Variants in TRAK1 observed in about 807,000 individuals in gnomAD.
The protein encoded by TRAK1 is trafficking kinesin protein 1, also known as trafficking kinesin-binding protein 1.
A neutral mutation model predicts 92.1 loss-of-function variants in TRAK1; 33 were observed. That is an observed-to-expected ratio of 0.36 (90% CI 0.27 to 0.48). The LOEUF is 0.48. TRAK1 is among the 20% of genes least tolerant of loss of function. The probability of loss-of-function intolerance (pLI) is 0.99; values close to 1 mark genes in which losing one functional copy is unlikely to be tolerated. For missense variants in TRAK1, 1,123 were observed against 1,257.9 expected, an observed-to-expected ratio of 0.89 and a Z score of 1.62; for synonymous variants, 521 against 517.3, an observed-to-expected ratio of 1.01 and a Z score of -0.10.
chr3:42,055,519 A>ATGGTG lies in TRAK1; in HGVS notation c.-518-31582_-518-31578dup, dbSNP rs1576196268. ...GCTCTGTTGCCCAAGCTGGAATGCA[A>ATGGTG]TGGTGTGATCATGGCTTACTGCAGC... is the stretch of plus-strand genomic sequence containing the variant. On this transcript the variant is annotated intron_variant, in intron 1 of 16. Coordinates refer to the TRAK1 transcript ENST00000487159. Among the ~76,000 whole-genome samples, 4 of 152,334 alleles carry ATGGTG rather than the reference A, an allele frequency of 2.6e-5. No homozygotes were observed. The East Asian group carries it at 7.7e-4, about 29-fold the overall frequency.
intron 10 of TRAK1, among the ~76,000 whole-genome samples, chr3:42,196,758 A>C (rs1255644211): frequency 6.6e-6 from 1 of 150,580 alleles, no homozygotes; most frequent in Non-Finnish European, 1.5e-5. Context: ...ATGTTGGCCA[A>C]GCTGGTCTCG....
rs370602561 is a variant in TRAK1 at position 42,209,828 on chromosome 3, C to T, written c.1806C>T (p.Asp602=). The T allele has an allele frequency of 8.7e-6, 14 of 1,613,660 alleles. No homozygotes were observed. The highest frequency in any genetic ancestry group is 2.2e-5 in the East Asian group (1 of 44,892). ...LAQPHLGGIL[D]PRPGVVTKGF... is the part of the protein sequence containing the mutation. ...AACCTCACCTTGGGGGCATCCTGGACCCCCGGCCCGGTGTGGTCACCAAGG... is the reference window on the plus strand; with the variant it reads ...AACCTCACCTTGGGGGCATCCTGGATCCCCGGCCCGGTGTGGTCACCAAGG... The change falls in exon 14 of 16, where the codon GAC becomes GAT. Residue 602 remains aspartate, a synonymous_variant. Coordinates refer to ENST00000327628, the MANE Select transcript of TRAK1 (RefSeq NM_001042646.3).
chr3:42,050,004 G>A (rs369062410), intron 1 of TRAK1, among the ~76,000 whole-genome samples: 9 of 152,260 alleles, frequency 5.9e-5, no homozygotes, highest in African/African-American at 1.9e-4. Flanking sequence ...TGCAGAGCAG[G>A]GCTTGTTGAC....
intron 2 of TRAK1, among the ~76,000 whole-genome samples, chr3:42,132,398 G>C (rs372877720): frequency 6.6e-6 from 1 of 151,658 alleles, no homozygotes; most frequent in Non-Finnish European, 1.5e-5. Flanking sequence ...CAGTAGTTGG[G>C]ACTACAGGCA....
chr3:42,202,592 G>T lies in TRAK1; in HGVS notation c.1584G>T (p.Ala528=). 1 of 1,591,338 alleles carries T rather than the reference G, an allele frequency of 6.3e-7. No individual in the cohort carries two copies. The highest frequency in any genetic ancestry group is 8.6e-7 in the Non-Finnish European group (1 of 1,162,888). Residue 528 remains alanine (A), a synonymous_variant, in exon 13 of 16, where the codon GCG becomes GCT. Transcript: ENST00000327628. This position sits in a 1 kb window ranked among gnomAD's most constrained non-coding sequence, Gnocchi z 6.1. ...EEQERKLQEL[A]EKGELRSGSL... is the part of the protein sequence containing the mutation. ...AAGAGAGGAAGCTCCAGGAGCTGGCGGAGAAGGGCGAGCTGCGCAGCGGCT... is the reference window on the plus strand; with the variant it reads ...AAGAGAGGAAGCTCCAGGAGCTGGCTGAGAAGGGCGAGCTGCGCAGCGGCT...
intron 1 of TRAK1, among the ~76,000 whole-genome samples, chr3:42,029,297 G>A (rs1048562091): frequency 6.6e-6 from 1 of 152,182 alleles, no homozygotes; most frequent in Non-Finnish European, 1.5e-5. Flanking sequence ...GGCATGCAGC[G>A]GTGCAGTCTC....
intron 2 of TRAK1, among the ~76,000 whole-genome samples, chr3:42,132,818 C>A (rs1285404790): frequency 1.3e-5 from 2 of 152,064 alleles, no homozygotes; most frequent in African/African-American, 2.4e-5. Flanking sequence ...CCCACCCTGA[C>A]CTTCCCTTCC....
At chr3:42,032,624 C>G (rs1007919487) in intron 1 of TRAK1, among the ~76,000 whole-genome samples, 5 of 152,134 alleles carry the variant, frequency 3.3e-5, no homozygotes, top group Non-Finnish European at 5.9e-5. Context: ...TTAATGTTGG[C>G]AACAAGACTA....
At chr3:42,073,944 A>G (rs925258935) in intron 1 of TRAK1, among the ~76,000 whole-genome samples, 15 of 152,154 alleles carry the variant, frequency 9.9e-5, no homozygotes, top group Admixed American at 3.9e-4. Context: ...CATATTTCAT[A>G]TATGGACTTG....
chr3:42,127,879 G>A (rs1414664225), intron 2 of TRAK1, among the ~76,000 whole-genome samples: 1 of 152,104 alleles, frequency 6.6e-6, no homozygotes, highest in Non-Finnish European at 1.5e-5. Context: ...TCTAAAATCT[G>A]TTTAACAGTA....
intron 1 of TRAK1, among the ~76,000 whole-genome samples, chr3:42,124,327 A>T (rs1166263265): frequency 6.6e-6 from 1 of 152,164 alleles, no homozygotes; most frequent in Non-Finnish European, 1.5e-5. Flanking sequence ...GTTTCCCATC[A>T]TAGGGAATGC....
Position 42,202,395 on chromosome 3 carries a change from C to T in TRAK1, c.1428-41C>T. 5 of 1,455,494 alleles carry T rather than the reference C, an allele frequency of 3.4e-6. No individual in the cohort carries two copies. Among genetic ancestry groups the T allele is most frequent in the Non-Finnish European group, 2.7e-6 (3 of 1,099,180 alleles). The allele number at this position is 1,455,494 out of a possible 1,614,324, so 90.2% of individuals were successfully genotyped here. On this transcript the variant is annotated intron_variant, in intron 12 of 15. Coordinates refer to ENST00000327628, the MANE Select transcript of TRAK1 (RefSeq NM_001042646.3). The surrounding 1 kb of genome is among the most constrained non-coding windows in gnomAD (Gnocchi z 6.1). ...CAGTCGGGCCTCTGTGGCCTTGGAGCCCTGCTGGCATTCCACCCTCACACC... is the reference window on the plus strand; with the variant it reads ...CAGTCGGGCCTCTGTGGCCTTGGAGTCCTGCTGGCATTCCACCCTCACACC...
intron 1 of TRAK1, among the ~76,000 whole-genome samples, chr3:42,117,018 G>A (rs547153832): frequency 1.4e-4 from 21 of 152,078 alleles, no homozygotes; most frequent in Non-Finnish European, 3.1e-4. Flanking sequence ...TTAGAAATCA[G>A]GGACTCTCAT....
intron 4 of TRAK1, among the ~76,000 whole-genome samples, chr3:42,185,235 G>T (rs1192314500): frequency 6.6e-6 from 1 of 152,226 alleles, no homozygotes. Context: ...GTGGGCAGCT[G>T]GAGAAGGAGC....
upstream of TRAK1, among the ~76,000 whole-genome samples, chr3:42,088,338 C>G (rs1704792847): frequency 6.6e-6 from 1 of 152,010 alleles, no homozygotes; most frequent in African/African-American, 2.4e-5. Context: ...GTGCTAGGCC[C>G]CCACACACCT....
At chr3:42,120,223 T>A (rs1028657739) in intron 1 of TRAK1, among the ~76,000 whole-genome samples, 6 of 152,078 alleles carry the variant, frequency 3.9e-5, no homozygotes, top group African/African-American at 1.4e-4. Flanking sequence ...GTTGGTGGGA[T>A]TTTGGGCTGT....
chr3:42,053,407 A>G (rs1034050010), intron 1 of TRAK1, among the ~76,000 whole-genome samples: 1,066 of 68,030 alleles, frequency 0.016, no homozygotes, highest in Admixed American at 0.021. Flanking sequence ...GCAAAGGGGG[A>G]GGGTAAAAGA....
rs746748841 is a variant in TRAK1, at chr3:42,193,160, A to C, written c.855A>C (p.Thr285=). 28 of 1,614,236 alleles carry C rather than the reference A, an allele frequency of 1.7e-5. No homozygotes were observed. In the South Asian group the frequency reaches 3.0e-4, roughly 17 times the overall value. ...CTGCCCGCCAGCAAGAGGAGATCAC[A>C]CACCTGCTATCGCAAATAGTTGATT... is the stretch of plus-strand genomic sequence containing the variant. The part of the protein sequence containing the change: ...EDAARQQEEI[T]HLLSQIVDLQ... Residue 285 remains threonine, a synonymous_variant, in exon 8 of 16, where the codon ACA becomes ACC. Coordinates refer to ENST00000327628, the MANE Select transcript of TRAK1 (RefSeq NM_001042646.3).
At chr3:42,138,090 G>T (rs1018585975) in intron 2 of TRAK1, among the ~76,000 whole-genome samples, 7 of 152,138 alleles carry the variant, frequency 4.6e-5, no homozygotes, top group African/African-American at 1.7e-4. Flanking sequence ...TTGTTTTATA[G>T]AAATTGTAGT....
Sources: gnomAD v4.1 joint callset for allele counts (sites outside exome capture counted in the v4.1 genomes callset) on GRCh38, gnomAD v4.1.1 for gene constraint, Gnocchi (gnomAD v3.1) non-coding constraint, MANE v1.5 for transcripts, NCBI Gene and HGNC (gene_info 2026-07-23, HGNC 2026-07-21) for gene names.